EGFLAM: variants seen among roughly 807,000 people sequenced by gnomAD.
EGFLAM encodes pikachurin.
A neutral mutation model predicts 113.1 loss-of-function variants in EGFLAM; 79 were observed. The ratio of observed to expected loss-of-function variants is 0.70; its 90% CI spans 0.58 to 0.84. The LOEUF (loss-of-function observed/expected upper bound fraction) is 0.84. Ranked by LOEUF, EGFLAM falls within the 40% of genes least tolerant of loss-of-function variation. The pLI, the probability that EGFLAM is intolerant of heterozygous loss-of-function variation, is 0.00. For synonymous variants in EGFLAM, 504 were observed against 487.6 expected (o/e 1.03, Z -0.44); for missense variants, 1,265 against 1,291.6 (o/e 0.98, Z 0.32).
chr5:38,320,889 A>G (rs777933970), intron 1 of EGFLAM, among the ~76,000 whole-genome samples: 4 of 152,206 alleles, frequency 2.6e-5, no homozygotes, highest in East Asian at 1.9e-4. Context: ...ACCACATAGG[A>G]ACTCCTAGTA....
chr5:38,436,068 G>A (rs927221883), intron 16 of EGFLAM, among the ~76,000 whole-genome samples: 7 of 151,954 alleles, frequency 4.6e-5, no homozygotes, highest in Admixed American at 1.3e-4. Flanking sequence ...TGCCCACCTT[G>A]GCCTCCCAAA....
intron 5 of EGFLAM, among the ~76,000 whole-genome samples, chr5:38,369,768 A>C (rs1344117705): frequency 6.6e-6 from 1 of 152,238 alleles, no homozygotes; most frequent in African/African-American, 2.4e-5. Flanking sequence ...AAGGACATGT[A>C]AAAATTCAGC....
intron 1 of EGFLAM, among the ~76,000 whole-genome samples, chr5:38,272,016 G>T (rs1757777239): frequency 6.6e-6 from 1 of 152,148 alleles, no homozygotes; most frequent in Non-Finnish European, 1.5e-5. Context: ...CAACATTTTT[G>T]CACAACATAT....
At chr5:38,422,513 T>C (rs1004065451) in intron 12 of EGFLAM, among the ~76,000 whole-genome samples, 5 of 152,178 alleles carry the variant, frequency 3.3e-5, no homozygotes, top group African/African-American at 1.2e-4. Context: ...CATAATGATG[T>C]TCTTAAATGG....
At chr5:38,410,274 G>A (rs1238386318) in intron 10 of EGFLAM, among the ~76,000 whole-genome samples, 1 of 152,210 alleles carries the variant, frequency 6.6e-6, no homozygotes, top group East Asian at 1.9e-4. Flanking sequence ...TTGATTCACA[G>A]AAGTTTGGTG....
intron 11 of EGFLAM, among the ~76,000 whole-genome samples, chr5:38,417,667 G>C (rs1383154282): frequency 1.3e-5 from 2 of 151,566 alleles, no homozygotes; most frequent in Admixed American, 6.6e-5. Context: ...TACAAAATTA[G>C]TATTATCACC....
In EGFLAM at chr5:38,267,160, C is replaced by A. The variant is rs371941560; in HGVS notation, c.97+8309C>A. On this transcript the variant is annotated intron_variant, in intron 1 of 21. Transcript: ENST00000322350. Reference sequence around the variant, plus strand: ...ATCCCCCTTATCTAAAGACACTTGACAATTCTTTCTTGTCTGACTCTGCAA... The same window carrying A: ...ATCCCCCTTATCTAAAGACACTTGAAAATTCTTTCTTGTCTGACTCTGCAA... Among the ~76,000 whole-genome samples, 8 of 152,326 alleles carry A rather than the reference C, an allele frequency of 5.3e-5. No individual in the cohort carries two copies. The South Asian group carries it at 1.0e-3, about 20-fold the overall frequency.
intron 1 of EGFLAM, among the ~76,000 whole-genome samples, chr5:38,277,584 T>C (rs1490297099): frequency 1.5e-5 from 2 of 135,256 alleles, no homozygotes; most frequent in Admixed American, 1.5e-4. Flanking sequence ...GATAAAGAAA[T>C]AAAAAGCTCT....
At chr5:38,408,148 C>G (rs1447646190) in intron 9 of EGFLAM, among the ~76,000 whole-genome samples, 1 of 152,132 alleles carries the variant, frequency 6.6e-6, no homozygotes, top group Non-Finnish European at 1.5e-5. Flanking sequence ...GAGTAGCTGG[C>G]ATGAAGATTG....
chr5:38,333,711 G>A (rs1161373106), intron 1 of EGFLAM, among the ~76,000 whole-genome samples: 1 of 152,110 alleles, frequency 6.6e-6, no homozygotes, highest in Non-Finnish European at 1.5e-5. Context: ...ACCTTTGTCA[G>A]ATGCATAGAC....
At chr5:38,318,268 G>C (rs934393810) in intron 1 of EGFLAM, among the ~76,000 whole-genome samples, 1 of 151,228 alleles carries the variant, frequency 6.6e-6, no homozygotes, top group East Asian at 2.0e-4. Flanking sequence ...GTATACTATA[G>C]TATACTATCT....
intron 1 of EGFLAM, among the ~76,000 whole-genome samples, chr5:38,309,543 T>C (rs1758809824): frequency 6.6e-6 from 1 of 152,092 alleles, no homozygotes; most frequent in Non-Finnish European, 1.5e-5. Context: ...CTGCCCTCTC[T>C]CTCCTTTTCT....
chr5:38,417,347 CAAAAAAAAAAAAA>C (rs752613827), intron 11 of EGFLAM, among the ~76,000 whole-genome samples: 5 of 78,482 alleles, frequency 6.4e-5, no homozygotes, highest in East Asian at 9.7e-4. Context: ...GACTCTGTCT[CAAAAAAAAAAAAA>C]AAAAAAAAAC....
chr5:38,388,554 G>C lies in EGFLAM; in HGVS notation c.713-17572G>C, dbSNP rs953642322. On this transcript the variant is annotated intron_variant, in intron 6 of 21. Coordinates refer to ENST00000322350, the MANE Select transcript of EGFLAM (RefSeq NM_152403.4). The stretch of plus-strand genomic sequence containing the variant: ...AGGTCAGGGGTTTGAGACCAGCCTG[G>C]CCAACATGGTGAAAGCCCATCTCTA... 5.3e-5 allele frequency among the ~76,000 whole-genome samples: 8 copies of C among 151,982 alleles called. 1 individual carries two copies. The highest frequency in any genetic ancestry group is 1.2e-4 in the Non-Finnish European group (8 of 67,974).
chr5:38,417,848 C>T (rs1291152793), intron 11 of EGFLAM, among the ~76,000 whole-genome samples: 1 of 151,996 alleles, frequency 6.6e-6, no homozygotes, highest in Non-Finnish European at 1.5e-5. Flanking sequence ...AAAATCCTCC[C>T]TTCTGGAAGC....
intron 9 of EGFLAM, among the ~76,000 whole-genome samples, chr5:38,408,743 C>G (rs1741374672): frequency 1.3e-5 from 2 of 152,214 alleles, no homozygotes. Context: ...CCACAAAGGA[C>G]AAGTAAAGAG....
At chr5:38,303,731 G>A (rs936584845) in intron 1 of EGFLAM, among the ~76,000 whole-genome samples, 6 of 152,196 alleles carry the variant, frequency 3.9e-5, no homozygotes, top group African/African-American at 1.4e-4. Context: ...CCTACTCAAA[G>A]CTCCACTAAA....
chr5:38,342,468 C>G (rs1000963717), intron 3 of EGFLAM, among the ~76,000 whole-genome samples: 3 of 151,998 alleles, frequency 2.0e-5, no homozygotes, highest in African/African-American at 7.3e-5. Flanking sequence ...AATGCTAAAC[C>G]GGGGAGTGGG....
Position 38,425,037 on chromosome 5 carries a change from C to G in EGFLAM, c.1755C>G (p.Ala585=). The change falls in exon 13 of 22, where the codon GCC becomes GCG. Residue 585 remains alanine, a synonymous_variant. Transcript: ENST00000322350. Reference sequence around the variant, plus strand: ...GTGGCACCTGCACAGCAATCAAAGCCGACTCCTACATTTGCCTCTGTCCCC... The same window carrying G: ...GTGGCACCTGCACAGCAATCAAAGCGGACTCCTACATTTGCCTCTGTCCCC... ...IHGGTCTAIK[A]DSYICLCPLG... is the part of the protein sequence containing the mutation. 1 of 1,614,024 alleles carries G rather than the reference C, an allele frequency of 6.2e-7. No homozygotes were observed. The highest frequency in any genetic ancestry group is 8.5e-7 in the Non-Finnish European group (1 of 1,179,986).
Sources: allele counts gnomAD v4.1 joint callset (sites outside exome capture counted in the v4.1 genomes callset), GRCh38; gene constraint gnomAD v4.1.1; transcripts MANE v1.5; gene names NCBI Gene and HGNC (gene_info 2026-07-23, HGNC 2026-07-21).